KRR1: variants seen among roughly 807,000 people sequenced by gnomAD.
KRR1 encodes the protein KRR1 small subunit processome component.
KRR1 carries 23 observed loss-of-function variants against 50.0 expected under a neutral mutation model. That is an observed-to-expected ratio of 0.46 (90% CI 0.33 to 0.65). The LOEUF is 0.65. KRR1 is among the 30% of genes least tolerant of loss of function. The pLI is 0.02. For missense variants in KRR1, 419 were observed against 442.4 expected, an observed-to-expected ratio of 0.95 and a Z score of 0.47; for synonymous variants, 133 against 146.3, an observed-to-expected ratio of 0.91 and a Z score of 0.66.
intron 3 of KRR1, 81 bp downstream of exon 3, chr12:75,506,701 C>A (rs1343583532): frequency 7.1e-6 from 11 of 1,551,600 alleles, no homozygotes; most frequent in African/African-American, 2.8e-5. Context: ...TACCTAAGCA[C>A]AAATATGAAA....
chr12:75,511,395 G>A (rs187726010), intron 1 of KRR1, 118 bp downstream of exon 1: 2 of 841,306 alleles, frequency 2.4e-6, no homozygotes, highest in South Asian at 3.0e-5. Flanking sequence ...GATTATTCAG[G>A]TACTCAACTA....
intron 1 of KRR1, among the ~76,000 whole-genome samples, chr12:75,509,759 ATTTTT>A (rs141358671): frequency 7.1e-6 from 1 of 140,230 alleles, no homozygotes; most frequent in Non-Finnish European, 1.6e-5. Flanking sequence ...TGTCCGGCTA[ATTTTT>A]TTTTTTTTTT....
At chr12:75,500,445 T>G (rs1174496855) in intron 9 of KRR1, 1 of 151,848 alleles carries the variant, frequency 6.6e-6, no homozygotes, top group Non-Finnish European at 1.5e-5. Flanking sequence ...AAACGAAAAT[T>G]TAAAGTTTTC....
chr12:75,493,519 T>C lies in KRR1; in HGVS notation c.*6290A>G, dbSNP rs1458419742. ...TAACAGATCTTTACTCAGAGTGGAT[T>C]AGTGGAGGAGAGGATTATAGCACAG... On this transcript the variant is annotated 3_prime_UTR_variant, in exon 10 of 10. Transcript: ENST00000229214. 1 of 152,140 alleles carries C rather than the reference T, an allele frequency of 6.6e-6. No homozygotes were observed. Among genetic ancestry groups the C allele is most frequent in the Non-Finnish European group, 1.5e-5 (1 of 68,042 alleles). 9.4% of individuals were successfully genotyped at this position (152,140 alleles called of 1,614,324 possible).
chr12:75,508,540 C>T, intron 1 of KRR1, 94 bp from the exon 2 acceptor site: 1 of 818,138 alleles, frequency 1.2e-6, no homozygotes, highest in Non-Finnish European at 1.9e-6. Context: ...TTATGAACAT[C>T]CTATGCACAT....
chr12:75,508,187 A>C lies in KRR1; in HGVS notation c.258+87T>G, dbSNP rs987323145. On this transcript the variant is annotated intron_variant, in intron 2 of 9. Coordinates refer to ENST00000229214, the MANE Select transcript of KRR1 (RefSeq NM_007043.7). ...CCAGCTATGTTAGCACCATTAAAAA[A>C]AAAAAAAAAGCATTAGCATACATAC... The C allele has an allele frequency of 2.0e-5, 19 of 957,518 alleles. No homozygotes were observed. In the African/African-American group the frequency reaches 3.1e-4, roughly 16 times the overall value. 59.3% of individuals were successfully genotyped at this position (957,518 alleles called of 1,614,324 possible). A position where few individuals can be genotyped will look rare whatever the true frequency, so the allele number is the denominator to read the frequency against.
chr12:75,511,407 A>T, intron 1 of KRR1, 106 bp downstream of exon 1: 3 of 991,160 alleles, frequency 3.0e-6, no homozygotes, highest in Non-Finnish European at 4.8e-6. Flanking sequence ...ACTCAACTAC[A>T]CAGTACAGGC....
rs902328256 is a variant in KRR1 at position 75,506,493 on chromosome 12, A to G, written c.510T>C (p.Ser170=). 4.3e-6 allele frequency: 7 copies of G among 1,611,448 alleles called. No homozygotes were observed. The East Asian group carries it at 1.6e-4, about 36-fold the overall frequency. The change falls in exon 4 of 10, where the codon TCT becomes TCC. Residue 170 remains serine, a synonymous_variant. Transcript: ENST00000229214. ...ACTAATTAAAAAATACCTTCAATGTAGATCCTTTGGGACCAATAAGCCGTT... is the reference window on the plus strand; with the variant it reads ...ACTAATTAAAAAATACCTTCAATGTGGATCCTTTGGGACCAATAAGCCGTT... ...RRQRLIGPKG[S]TLKALELLTN...
rs926524841 is a variant in KRR1 at position 75,505,194 on chromosome 12, T to G, written c.660+4A>C. The G allele has an allele frequency of 2.6e-6, 4 of 1,547,388 alleles. No homozygotes were observed. The African/African-American group carries it at 5.5e-5, about 21-fold the overall frequency. On this transcript the variant is annotated splice_donor_region_variant and intron_variant, in intron 6 of 9. Transcript: ENST00000229214. ...TGGTACAGTTATATATAATTACCAC[T>G]CACTTTAATGTTATAAATTGGATGA...
chr12:75,508,924 G>A (rs2046434586), intron 1 of KRR1, among the ~76,000 whole-genome samples: 1 of 152,300 alleles, frequency 6.6e-6, no homozygotes, highest in Admixed American at 6.5e-5. Context: ...TTATCTTTCA[G>A]TTAATAATCA....
chr12:75,506,972 T>A (rs1459849088), intron 2 of KRR1, 56 bp from the exon 3 acceptor site: 1 of 1,470,762 alleles, frequency 6.8e-7, no homozygotes, highest in Non-Finnish European at 9.1e-7. Flanking sequence ...TTTTAGATAA[T>A]TATAAAGCCT....
Position 75,511,600 on chromosome 12 carries a change from G to C in KRR1, c.-3C>G. 6.2e-7 allele frequency: 1 copy of C among 1,613,776 alleles called. No homozygotes were observed. The highest frequency in any genetic ancestry group is 1.7e-4 in the Middle Eastern group (1 of 6,060). ...CGCTCCAGCGAGGGAGACGCCATTT[G>C]CAAGCTGCTTCCGGTGGCTCCGGAA... On this transcript the variant is annotated 5_prime_UTR_variant, in exon 1 of 10. Coordinates refer to ENST00000229214, the MANE Select transcript of KRR1 (RefSeq NM_007043.7).
At chr12:75,508,513 A>C in intron 1 of KRR1, 67 bp from the exon 2 acceptor site, 1 of 1,239,926 alleles carries the variant, frequency 8.1e-7, no homozygotes, top group Non-Finnish European at 1.1e-6. Flanking sequence ...TCACATTTTA[A>C]CTGTCTTTTG....
intron 1 of KRR1, among the ~76,000 whole-genome samples, chr12:75,510,192 T>C (rs1189916834): frequency 6.6e-6 from 1 of 152,146 alleles, no homozygotes; most frequent in African/African-American, 2.4e-5. Context: ...CGTCCACTCC[T>C]AGTGGGAACA....
rs2046333767 is a variant in KRR1, at chr12:75,493,335, A to G, written c.*6474T>C. Reference sequence around the variant, plus strand: ...TGAGGTATTATTTTCCTATACACAAAAAGTTGTAGGCCCCCATTCCACATA... The same window carrying G: ...TGAGGTATTATTTTCCTATACACAAGAAGTTGTAGGCCCCCATTCCACATA... On this transcript the variant is annotated 3_prime_UTR_variant, in exon 10 of 10. Coordinates refer to ENST00000229214, the MANE Select transcript of KRR1 (RefSeq NM_007043.7). 1 of 152,154 alleles carries G rather than the reference A, an allele frequency of 6.6e-6. No individual in the cohort carries two copies. Among genetic ancestry groups the G allele is most frequent in the African/African-American group, 2.4e-5 (1 of 41,432 alleles). The allele number at this position is 152,154 out of a possible 1,614,324, so 9.4% of individuals were successfully genotyped here. A position where few individuals can be genotyped will look rare whatever the true frequency, so the allele number is the denominator to read the frequency against.
intron 7 of KRR1, chr12:75,502,668 G>C (rs1277223257): frequency 6.6e-6 from 1 of 151,982 alleles, no homozygotes; most frequent in African/African-American, 2.4e-5. Context: ...CTTTAGGTAT[G>C]GGGAAACTTA....
chr12:75,496,446 A>T lies in KRR1; in HGVS notation c.*3363T>A, dbSNP rs1168949921. On this transcript the variant is annotated 3_prime_UTR_variant, in exon 10 of 10. Transcript: ENST00000229214. ...GAAGTGTAGAAGCTGCAAGCAGTTA[A>T]ATTTCCAAGGATGTTTTACTAAACA... 6.6e-6 allele frequency: 1 copy of T among 152,166 alleles called. No individual in the cohort carries two copies. Among genetic ancestry groups the T allele is most frequent in the African/African-American group, 2.4e-5 (1 of 41,452 alleles). 9.4% of individuals were successfully genotyped at this position (152,166 alleles called of 1,614,324 possible).
In KRR1 at chr12:75,498,735, C is replaced by CTTAAATTGTTTCA. The variant is rs564929541; in HGVS notation, c.*1061_*1073dup. 338 of 1,611,856 alleles carry CTTAAATTGTTTCA rather than the reference C, an allele frequency of 2.1e-4. 2 individuals are homozygous for CTTAAATTGTTTCA. The South Asian group carries it at 2.9e-3, about 14-fold the overall frequency. The stretch of plus-strand genomic sequence containing the variant: ...CCAAGTCAAACGTACGTACATCAAT[C>CTTAAATTGTTTCA]TTAAATTGTTTCATTAAGAGCTATG... On this transcript the variant is annotated 3_prime_UTR_variant, in exon 10 of 10. Coordinates refer to ENST00000229214, the MANE Select transcript of KRR1 (RefSeq NM_007043.7).
Position 75,495,546 on chromosome 12 carries a change from T to C in KRR1, c.*4263A>G. 7.6e-7 allele frequency: 1 copy of C among 1,314,186 alleles called. No homozygotes were observed. The highest frequency in any genetic ancestry group is 1.1e-6 in the Non-Finnish European group (1 of 910,656). 81.4% of individuals were successfully genotyped at this position (1,314,186 alleles called of 1,614,324 possible). ...TTGCAATTTTAAAAAACCGAAAAACTTCTAATGGACATCCTTCTTCTGCTT... is the reference window on the plus strand; with the variant it reads ...TTGCAATTTTAAAAAACCGAAAAACCTCTAATGGACATCCTTCTTCTGCTT... On this transcript the variant is annotated 3_prime_UTR_variant, in exon 10 of 10. Transcript: ENST00000229214.
Sources: allele counts gnomAD v4.1 joint callset (sites outside exome capture counted in the v4.1 genomes callset), GRCh38; gene constraint gnomAD v4.1.1; transcripts MANE v1.5; gene names NCBI Gene and HGNC (gene_info 2026-07-23, HGNC 2026-07-21).